Variants in FUOM observed in about 807,000 individuals in gnomAD.
FUOM encodes the protein fucose mutarotase.
In FUOM, 19 loss-of-function variants were observed where a neutral mutation model predicts 18.3. The ratio of observed to expected loss-of-function variants is 1.04; its 90% CI spans 0.73 to 1.53. FUOM has a LOEUF of 1.53. Ranked by LOEUF, FUOM falls within the 40% of genes most tolerant of loss-of-function variation. The pLI, the probability that FUOM is intolerant of heterozygous loss-of-function variation, is 0.00. For missense variants in FUOM, 210 were observed against 200.9 expected (o/e 1.04, Z -0.27); for synonymous variants, 102 against 87.9 (o/e 1.16, Z -0.90).
rs759462665 is a variant in FUOM, at chr10:133,356,677, G to A, written c.287C>T (p.Thr96Met). Reference protein sequence around the residue: ...KERGLQTPVWTEYESILRRAG... With the variant: ...KERGLQTPVWMEYESILRRAG... ...CCTGCGTAGGATGGACTCGTACTCC[G>A]TCCACACTGGGGTCTGCAGGCCCCT... Residue 96 changes from threonine (T) to methionine (M), a missense_variant, in exon 4 of 6, where the codon ACG (threonine) becomes ATG (methionine). Coordinates refer to ENST00000278025, the MANE Select transcript of FUOM (RefSeq NM_001098483.3). 3.1e-5 allele frequency: 49 copies of A among 1,600,610 alleles called. 1 individual carries two copies. The highest frequency in any genetic ancestry group is 3.4e-4 in the Middle Eastern group (2 of 5,932).
chr10:133,355,315 C>T lies in FUOM; in HGVS notation c.*55G>A. The T allele has an allele frequency of 4.6e-6, 7 of 1,536,812 alleles. No homozygotes were observed. The highest frequency in any genetic ancestry group is 6.1e-6 in the Non-Finnish European group (7 of 1,147,276). On this transcript the variant is annotated 3_prime_UTR_variant, in exon 6 of 6. Coordinates refer to ENST00000278025, the MANE Select transcript of FUOM (RefSeq NM_001098483.3). ...GGGAGGCCTGTTGTGAGTGGTGGTA[C>T]TGGAGCTCAGGGTGCCCCCAGTTCC...
chr10:133,355,793 C>T lies in FUOM; in HGVS notation c.343G>A (p.Glu115Lys). 6.2e-7 allele frequency: 1 copy of T among 1,613,080 alleles called. No homozygotes were observed. Among genetic ancestry groups the T allele is most frequent in the Non-Finnish European group, 8.5e-7 (1 of 1,179,948 alleles). ...AGCVRALAKIERFEFYERAKK... is the reference protein window; with the variant it reads ...AGCVRALAKIKRFEFYERAKK... ...GCCCGTTCATAAAACTCAAACCTCTCTATCTTTGCCAGGGCTCTCTGGAAG... is the reference window on the plus strand; with the variant it reads ...GCCCGTTCATAAAACTCAAACCTCTTTATCTTTGCCAGGGCTCTCTGGAAG... The change falls in exon 5 of 6, where the codon GAG (glutamate) becomes AAG (lysine). Residue 115 changes from glutamate to lysine, a missense_variant. Glu to Lys is a moderately conservative substitution (Grantham distance 56). Transcript: ENST00000278025.
chr10:133,357,480 G>A, intron 1 of FUOM: 1 of 595,754 alleles, frequency 1.7e-6, no homozygotes, highest in South Asian at 1.9e-5. Flanking sequence ...GCAGAGAGGC[G>A]TCAACAGCTG....
downstream of FUOM, chr10:133,355,088 G>A: frequency 2.1e-6 from 1 of 487,786 alleles, no homozygotes; most frequent in Non-Finnish European, 3.7e-6. Context: ...GGTACGTGGG[G>A]GCCACTCTGG....
intron 4 of FUOM, 151 bp downstream of exon 4, chr10:133,356,489 G>T: frequency 1.9e-6 from 1 of 515,100 alleles, no homozygotes; most frequent in Non-Finnish European, 3.4e-6. Context: ...CCTGGCTGGT[G>T]AAGGAGTGCC....
downstream of FUOM, among the ~76,000 whole-genome samples, chr10:133,353,895 G>A (rs189530577): frequency 2.6e-5 from 4 of 152,000 alleles, no homozygotes; most frequent in East Asian, 7.7e-4. Context: ...GCCCCAGGCA[G>A]GTAGAAGACC....
chr10:133,357,317 C>T (rs1564799003), intron 1 of FUOM, 62 bp from the exon 2 acceptor site: 6 of 1,486,124 alleles, frequency 4.0e-6, no homozygotes, highest in East Asian at 4.9e-5. Flanking sequence ...TCGGCGCCGC[C>T]CGTCCTCCCA....
At position 133,356,566 on chromosome 10, in the gene FUOM, CT is replaced by C. The variant is rs1848806527; in HGVS notation, c.324+73del. 17 of 1,222,396 alleles carry C rather than the reference CT, an allele frequency of 1.4e-5. No individual in the cohort carries two copies. In the South Asian group the frequency reaches 2.6e-4, roughly 19 times the overall value. The allele number at this position is 1,222,396 out of a possible 1,614,324, so 75.7% of individuals were successfully genotyped here. A position where few individuals can be genotyped will look rare whatever the true frequency, so the allele number is the denominator to read the frequency against. On this transcript the variant is annotated intron_variant, in intron 4 of 5. Coordinates refer to ENST00000278025, the MANE Select transcript of FUOM (RefSeq NM_001098483.3). ...GAGGACAGAGCTTGGGACCCTCTGT[CT>C]TTGGCTCCTCCTGAGCCTCCAGGAG... is the stretch of plus-strand genomic sequence containing the variant.
rs1048359368 is a variant in FUOM at position 133,355,227 on chromosome 10, G to T, written c.*143C>A. 5 of 830,250 alleles carry T rather than the reference G, an allele frequency of 6.0e-6. No homozygotes were observed. The highest frequency in any genetic ancestry group is 9.1e-6 in the Non-Finnish European group (5 of 546,582). 51.4% of individuals were successfully genotyped at this position (830,250 alleles called of 1,614,324 possible). ...AGGGATACTCGTCCCAATTGGCAGGGCCCACCCCAAGACTGCCGGCCCCTA... is the reference window on the plus strand; with the variant it reads ...AGGGATACTCGTCCCAATTGGCAGGTCCCACCCCAAGACTGCCGGCCCCTA... On this transcript the variant is annotated 3_prime_UTR_variant, in exon 6 of 6. Transcript: ENST00000278025.
Position 133,355,271 on chromosome 10 carries a change from A to G in FUOM, c.*99T>C. On this transcript the variant is annotated 3_prime_UTR_variant, in exon 6 of 6. Coordinates refer to ENST00000278025, the MANE Select transcript of FUOM (RefSeq NM_001098483.3). Reference sequence around the variant, plus strand: ...GCCCCTAGAGCCCTGGCCAGGGCCCAGGTCTGGGAGCTGCCACTGGGAGGC... The same window carrying G: ...GCCCCTAGAGCCCTGGCCAGGGCCCGGGTCTGGGAGCTGCCACTGGGAGGC... 1 of 1,389,078 alleles carries G rather than the reference A, an allele frequency of 7.2e-7. No homozygotes were observed. The highest frequency in any genetic ancestry group is 9.7e-7 in the Non-Finnish European group (1 of 1,036,032). 86.0% of individuals were successfully genotyped at this position (1,389,078 alleles called of 1,614,324 possible). A position where few individuals can be genotyped will look rare whatever the true frequency, so the allele number is the denominator to read the frequency against.
chr10:133,357,425 G>A lies in FUOM; in HGVS notation c.86-170C>T, dbSNP rs971074232. 7 of 683,240 alleles carry A rather than the reference G, an allele frequency of 1.0e-5. No individual in the cohort carries two copies. In the African/African-American group the frequency reaches 1.2e-4, roughly 12 times the overall value. 42.3% of individuals were successfully genotyped at this position (683,240 alleles called of 1,614,324 possible). A position where few individuals can be genotyped will look rare whatever the true frequency, so the allele number is the denominator to read the frequency against. ...GGCCGCAGTCAGATCCGCAGGGCTG[G>A]AAGCCACGCGGGGAGGTGGGGAGGG... is the stretch of plus-strand genomic sequence containing the variant. On this transcript the variant is annotated intron_variant, in intron 1 of 5. Transcript: ENST00000278025.
In FUOM at chr10:133,356,962, T is replaced by C. The variant is rs1333343930; in HGVS notation, c.206A>G (p.Asp69Gly). ...LEAVLKLLPLDTYVESPAAVM... is the reference protein window; with the variant it reads ...LEAVLKLLPLGTYVESPAAVM... ...CCTCACCGGACTCTCCACATAGGTG[T>C]CCAGGGGCAGCAGCTTCAGCACGGC... is the stretch of plus-strand genomic sequence containing the variant. Residue 69 changes from aspartate (D) to glycine (G), a missense_variant, in exon 3 of 6, where the codon GAC becomes GGC. Asp to Gly is a moderately conservative substitution (Grantham distance 94). Transcript: ENST00000278025. 4 of 1,550,224 alleles carry C rather than the reference T, an allele frequency of 2.6e-6. No homozygotes were observed. The highest frequency in any genetic ancestry group is 3.5e-6 in the Non-Finnish European group (4 of 1,146,942).
chr10:133,353,059 C>A (rs1434256255), downstream of FUOM, among the ~76,000 whole-genome samples: 1 of 152,174 alleles, frequency 6.6e-6, no homozygotes, highest in Non-Finnish European at 1.5e-5. Context: ...CACCCTGGGA[C>A]CAGTCTCAGC....
rs900631574 is a variant in FUOM at position 133,357,635 on chromosome 10, A to G, written c.85+288T>C. 1.0e-5 allele frequency: 5 copies of G among 484,950 alleles called. No individual in the cohort carries two copies. The African/African-American group carries it at 1.0e-4, about 10-fold the overall frequency. 30.0% of individuals were successfully genotyped at this position (484,950 alleles called of 1,614,324 possible). ...CCCCTGCCCCGGGACCCCAGGCCCC[A>G]GGAGAAGAAAAAGCGCCGAACCCTC... is the stretch of plus-strand genomic sequence containing the variant. On this transcript the variant is annotated intron_variant, in intron 1 of 5. Transcript: ENST00000278025.
downstream of FUOM, chr10:133,355,141 T>C (rs1335826030): frequency 1.2e-5 from 7 of 590,412 alleles, no homozygotes; most frequent in Non-Finnish European, 9.0e-6. Context: ...CAAGCCTGCG[T>C]GAGAACAGAG....
downstream of FUOM, among the ~76,000 whole-genome samples, chr10:133,354,598 G>A (rs1371119414): frequency 2.0e-5 from 3 of 152,190 alleles, no homozygotes; most frequent in African/African-American, 7.2e-5. Flanking sequence ...GGTCCGGACA[G>A]TGGCTGGTGG....
chr10:133,356,131 G>A (rs2133417809), intron 4 of FUOM, among the ~76,000 whole-genome samples: 1 of 152,348 alleles, frequency 6.6e-6, no homozygotes, highest in South Asian at 2.1e-4. Context: ...AAGAGCCCCT[G>A]GCCCCCCTTA....
intron 2 of FUOM, 55 bp downstream of exon 2, chr10:133,357,132 C>A (rs530854106): frequency 6.5e-7 from 1 of 1,544,848 alleles, no homozygotes; most frequent in East Asian, 2.4e-5. Flanking sequence ...AGCCTCAGAG[C>A]CAGGAGCACC....
Position 133,355,369 on chromosome 10 carries a change from C to T in FUOM, c.*1G>A. 6.2e-7 allele frequency: 1 copy of T among 1,602,602 alleles called. No individual in the cohort carries two copies. Among genetic ancestry groups the T allele is most frequent in the East Asian group, 2.2e-5 (1 of 44,664 alleles). Reference sequence around the variant, plus strand: ...TCCGGCCCAGGTGGTCTTCACCAGGCCTACAGCAGGGGGTTGAGGGCAAGC... The same window carrying T: ...TCCGGCCCAGGTGGTCTTCACCAGGTCTACAGCAGGGGGTTGAGGGCAAGC... On this transcript the variant is annotated 3_prime_UTR_variant, in exon 6 of 6. Coordinates refer to ENST00000278025, the MANE Select transcript of FUOM (RefSeq NM_001098483.3).
Sources: allele counts gnomAD v4.1 joint callset (sites outside exome capture counted in the v4.1 genomes callset), GRCh38; gene constraint gnomAD v4.1.1; transcripts MANE v1.5; gene names NCBI Gene and HGNC (gene_info 2026-07-23, HGNC 2026-07-21).